The following KPNA4 variants were observed in gnomAD, a reference collection of about 807,000 sequenced individuals.
KPNA4 encodes the protein karyopherin subunit alpha 4.
A neutral mutation model predicts 71.3 loss-of-function variants in KPNA4; 13 were observed. The observed-to-expected ratio is 0.18, with a 90% CI of 0.12 to 0.29. The LOEUF is 0.29. KPNA4 is among the 10% of genes least tolerant of loss of function. The pLI is 1.00. For synonymous variants in KPNA4, 189 were observed against 195.2 expected, an observed-to-expected ratio of 0.97 and a Z score of 0.26; for missense variants, 334 against 603.2, an observed-to-expected ratio of 0.55 and a Z score of 4.67.
intron 7 of KPNA4, among the ~76,000 whole-genome samples, chr3:160,529,126 G>A (rs1721519079): frequency 6.6e-6 from 1 of 151,948 alleles, no homozygotes; most frequent in African/African-American, 2.4e-5. Context: ...TAGAGATGGG[G>A]TTTTACCATG....
In KPNA4 at chr3:160,565,522, C is replaced by T. The variant is rs1722334828; in HGVS notation, c.-240G>A. 1.8e-6 allele frequency: 1 copy of T among 542,172 alleles called. No homozygotes were observed. The allele number at this position is 542,172 out of a possible 1,614,324, so 33.6% of individuals were successfully genotyped here. On this transcript the variant is annotated 5_prime_UTR_variant, in exon 1 of 17. Transcript: ENST00000334256. ...AGACAACTGTGGGGCCGGGCGGCGGCAAGGCGACGGAATGTGCTGCCGGCT... is the reference window on the plus strand; with the variant it reads ...AGACAACTGTGGGGCCGGGCGGCGGTAAGGCGACGGAATGTGCTGCCGGCT...
chr3:160,516,245 G>A (rs972450950), intron 11 of KPNA4, among the ~76,000 whole-genome samples: 1 of 152,050 alleles, frequency 6.6e-6, no homozygotes, highest in African/African-American at 2.4e-5. Context: ...GCCTGCCTTG[G>A]CTTCCCAAAG....
chr3:160,546,433 G>T (rs565743118), intron 1 of KPNA4, among the ~76,000 whole-genome samples: 7 of 152,108 alleles, frequency 4.6e-5, no homozygotes, highest in African/African-American at 1.7e-4. Context: ...GAGGAGAATC[G>T]CTTGAACCCA....
At chr3:160,516,349 T>C (rs190571895) in intron 11 of KPNA4, among the ~76,000 whole-genome samples, 1 of 151,808 alleles carries the variant, frequency 6.6e-6, no homozygotes, top group African/African-American at 2.4e-5. Flanking sequence ...GGAACAGAGA[T>C]GTGAAGATAG....
chr3:160,507,273 T>A (rs1019008550), intron 15 of KPNA4, among the ~76,000 whole-genome samples: 1 of 151,784 alleles, frequency 6.6e-6, no homozygotes, highest in South Asian at 2.1e-4. Context: ...CCAAGGGGAG[T>A]GGATCACCTG....
At position 160,518,814 on chromosome 3, in the gene KPNA4, T is replaced by C. The variant is rs147260900; in HGVS notation, c.903+2965A>G. On this transcript the variant is annotated intron_variant, in intron 11 of 16. Coordinates refer to ENST00000334256, the MANE Select transcript of KPNA4 (RefSeq NM_002268.5). ...AGGCAGAGGTTGTAATGAGCCGAGA[T>C]CATGCCATTGCACTCCAGCCTGGGC... Among the ~76,000 whole-genome samples the C allele has an allele frequency of 1.6e-4, 24 of 152,098 alleles. No individual in the cohort carries two copies. The East Asian group carries it at 4.5e-3, about 28-fold the overall frequency.
rs1222910271 is a variant in KPNA4 at position 160,536,858 on chromosome 3, G to A, written c.70-18C>T. 6.8e-7 allele frequency: 1 copy of A among 1,470,786 alleles called. No individual in the cohort carries two copies. The highest frequency in any genetic ancestry group is 1.7e-5 in the Admixed American group (1 of 57,930). 91.1% of individuals were successfully genotyped at this position (1,470,786 alleles called of 1,614,324 possible). ...CTCATAGTCTACAAAAAAATTAAAGGAAAATATTTTTAAAATCACCTCAAA... is the reference window on the plus strand; with the variant it reads ...CTCATAGTCTACAAAAAAATTAAAGAAAAATATTTTTAAAATCACCTCAAA... On this transcript the variant is annotated intron_variant, in intron 1 of 16. Coordinates refer to ENST00000334256, the MANE Select transcript of KPNA4 (RefSeq NM_002268.5).
chr3:160,551,766 C>CTTAATTA (rs879269076), intron 1 of KPNA4, among the ~76,000 whole-genome samples: 1,733 of 152,206 alleles, frequency 0.011, 15 homozygotes, highest in Non-Finnish European at 0.018. Flanking sequence ...TTTTCAGTGC[C>CTTAATTA]TCTTAGAGAT....
chr3:160,503,024 T>C (rs1462684573), intron 16 of KPNA4, among the ~76,000 whole-genome samples: 4 of 151,758 alleles, frequency 2.6e-5, no homozygotes, highest in African/African-American at 9.7e-5. Flanking sequence ...GGGTGGAGAA[T>C]TCCTTGAACC....
chr3:160,556,579 T>C (rs1393130742), intron 1 of KPNA4, among the ~76,000 whole-genome samples: 1 of 152,212 alleles, frequency 6.6e-6, no homozygotes, highest in Non-Finnish European at 1.5e-5. Context: ...TTGGATTTTT[T>C]TGGATTTTAG....
intron 7 of KPNA4, among the ~76,000 whole-genome samples, chr3:160,530,504 A>C (rs1051180031): frequency 6.6e-6 from 1 of 151,942 alleles, no homozygotes; most frequent in Non-Finnish European, 1.5e-5. Context: ...AACAACAAAA[A>C]AACAAAAACA....
chr3:160,521,043 T>A (rs1450524639), intron 11 of KPNA4, among the ~76,000 whole-genome samples: 1 of 152,080 alleles, frequency 6.6e-6, no homozygotes, highest in African/African-American at 2.4e-5. Context: ...TAAATTTAAA[T>A]AAGTGAAAAG....
At position 160,495,033 on chromosome 3, in the gene KPNA4, C is replaced by T. The variant is rs1469174891; in HGVS notation, c.*7071G>A. Reference sequence around the variant, plus strand: ...CATTATCACAAGCATTTATTGAGTACCCATAGAACTCATGGTACCTTCACG... The same window carrying T: ...CATTATCACAAGCATTTATTGAGTATCCATAGAACTCATGGTACCTTCACG... On this transcript the variant is annotated 3_prime_UTR_variant, in exon 17 of 17. Coordinates refer to ENST00000334256, the MANE Select transcript of KPNA4 (RefSeq NM_002268.5). 6.6e-6 allele frequency: 1 copy of T among 152,094 alleles called. No homozygotes were observed. The highest frequency in any genetic ancestry group is 1.9e-4 in the East Asian group (1 of 5,198). 9.4% of individuals were successfully genotyped at this position (152,094 alleles called of 1,614,324 possible).
At chr3:160,520,846 T>C (rs1441768934) in intron 11 of KPNA4, among the ~76,000 whole-genome samples, 1 of 152,202 alleles carries the variant, frequency 6.6e-6, no homozygotes, top group Non-Finnish European at 1.5e-5. Context: ...TCTAAGCCAT[T>C]AGCAGATTAA....
intron 1 of KPNA4, among the ~76,000 whole-genome samples, chr3:160,543,847 T>C (rs1721853374): frequency 6.6e-6 from 1 of 151,946 alleles, no homozygotes; most frequent in South Asian, 2.1e-4. Flanking sequence ...CAAAAGGACA[T>C]GGGAATCCTT....
chr3:160,527,958 A>G lies in KPNA4; in HGVS notation c.551T>C (p.Ile184Thr). Residue 184 changes from isoleucine to threonine, a missense_variant, in exon 8 of 17, where the codon ATC becomes ACC. Coordinates refer to ENST00000334256, the MANE Select transcript of KPNA4 (RefSeq NM_002268.5). ...ATTACAAGTTTTATACAAACCTATG[A>G]TATTTCCCAATGCCCACACTGCTTG... ...CEQAVWALGN[I>T]IGDGPQCRDY... 2.5e-6 allele frequency: 4 copies of G among 1,609,824 alleles called. No homozygotes were observed. The highest frequency in any genetic ancestry group is 1.7e-4 in the Middle Eastern group (1 of 5,896).
chr3:160,510,136 T>C (rs1453248457), intron 13 of KPNA4, among the ~76,000 whole-genome samples: 1 of 152,094 alleles, frequency 6.6e-6, no homozygotes, highest in East Asian at 1.9e-4. Context: ...AAGTTGATGA[T>C]AAAATGAAAT....
chr3:160,538,095 G>A (rs1721724080), intron 1 of KPNA4, among the ~76,000 whole-genome samples: 1 of 149,560 alleles, frequency 6.7e-6, no homozygotes, highest in African/African-American at 2.5e-5. Context: ...TTTAAATACA[G>A]ACACACACAC....
At chr3:160,517,361 A>T (rs1721251175) in intron 11 of KPNA4, among the ~76,000 whole-genome samples, 1 of 152,054 alleles carries the variant, frequency 6.6e-6, no homozygotes. Context: ...TTAACCATTC[A>T]TTGGCTGACA....
Sources: gnomAD v4.1 joint callset for allele counts (sites outside exome capture counted in the v4.1 genomes callset) on GRCh38, gnomAD v4.1.1 for gene constraint, MANE v1.5 for transcripts, NCBI Gene and HGNC (gene_info 2026-07-23, HGNC 2026-07-21) for gene names.